The following L3MBTL3 variants were observed in gnomAD, a reference collection of about 807,000 sequenced individuals.
The protein encoded by L3MBTL3 is lethal(3)malignant brain tumor-like protein 3.
In L3MBTL3, 27 loss-of-function variants were observed where a neutral mutation model predicts 102.3. The observed-to-expected ratio is 0.26, with a 90% CI of 0.19 to 0.36. The LOEUF is 0.36. Ranked by LOEUF, L3MBTL3 falls within the 10% of genes least tolerant of loss-of-function variation. The pLI, the probability that L3MBTL3 is intolerant of heterozygous loss-of-function variation, is 1.00. For synonymous variants in L3MBTL3, 340 were observed against 320.9 expected (o/e 1.06, Z -0.64); for missense variants, 798 against 955.3 (o/e 0.84, Z 2.17).
intron 13 of L3MBTL3, among the ~76,000 whole-genome samples, chr6:130,072,495 G>A (rs1257189832): frequency 6.6e-6 from 1 of 152,142 alleles, no homozygotes; most frequent in Non-Finnish European, 1.5e-5. Flanking sequence ...TTTCTGCAGA[G>A]CATAATTTTT....
At chr6:130,091,023 GGAA>G (rs1420883349) in intron 16 of L3MBTL3, among the ~76,000 whole-genome samples, 1 of 151,152 alleles carries the variant, frequency 6.6e-6, no homozygotes, top group Non-Finnish European at 1.5e-5. Context: ...TATAAATTGA[GGAA>G]GAGAGTTCTT....
rs376419261 is a variant in L3MBTL3 at position 130,108,220 on chromosome 6, G to GTTTTTTTTTTTT, written c.1886+3655_1886+3656insTTTTTTTTTTTT. Among the ~76,000 whole-genome samples, 10 of 118,720 alleles carry GTTTTTTTTTTTT rather than the reference G, an allele frequency of 8.4e-5. 2 individuals are homozygous for GTTTTTTTTTTTT. Among genetic ancestry groups the GTTTTTTTTTTTT allele is most frequent in the Non-Finnish European group, 1.1e-4 (6 of 56,136 alleles). 77.9% of individuals were successfully genotyped at this position (118,720 alleles called of 152,430 possible). Reference sequence around the variant, plus strand: ...ATAAGCCCTCAATAAATGTTAGGTGGTTTTTTTTTTGTTTTTTTTTTTTTT... The same window carrying GTTTTTTTTTTTT: ...ATAAGCCCTCAATAAATGTTAGGTGGTTTTTTTTTTTTTTTTTTTTTTGTTTTTTTTTTTTTT... On this transcript the variant is annotated intron_variant, in intron 19 of 22. Coordinates refer to ENST00000361794, the MANE Select transcript of L3MBTL3 (RefSeq NM_032438.4).
chr6:130,028,647 A>T (rs577154318), intron 2 of L3MBTL3, among the ~76,000 whole-genome samples: 1 of 152,230 alleles, frequency 6.6e-6, no homozygotes, highest in Non-Finnish European at 1.5e-5. Flanking sequence ...ATCAGGCAGG[A>T]TGAGTAGCAT....
intron 9 of L3MBTL3, among the ~76,000 whole-genome samples, chr6:130,058,343 A>G (rs1469006046): frequency 2.0e-5 from 3 of 152,096 alleles, no homozygotes; most frequent in Admixed American, 6.5e-5. Context: ...GACTAAACCA[A>G]GAGTTGGGGT....
At chr6:130,122,074 CATAGT>C (rs1342292412) in intron 20 of L3MBTL3, among the ~76,000 whole-genome samples, 23 of 152,124 alleles carry the variant, frequency 1.5e-4, no homozygotes, top group Admixed American at 1.5e-3. Context: ...AACTGTTAGT[CATAGT>C]ATAGATGGTA....
chr6:130,038,386 A>G (rs965627883), intron 2 of L3MBTL3, among the ~76,000 whole-genome samples: 1 of 152,034 alleles, frequency 6.6e-6, no homozygotes, highest in African/African-American at 2.4e-5. Context: ...ATTCCCACCA[A>G]GAAGATACAG....
chr6:130,111,917 G>A (rs1785372762), intron 19 of L3MBTL3, among the ~76,000 whole-genome samples: 1 of 152,164 alleles, frequency 6.6e-6, no homozygotes, highest in Non-Finnish European at 1.5e-5. Context: ...GGCCTACAAA[G>A]CCTTGTGTCA....
At chr6:130,137,131 A>C (rs946500354) in intron 22 of L3MBTL3, among the ~76,000 whole-genome samples, 1 of 152,216 alleles carries the variant, frequency 6.6e-6, no homozygotes, top group Non-Finnish European at 1.5e-5. Flanking sequence ...GAATACATTC[A>C]TGCCTTTACA....
At chr6:130,126,834 G>A (rs1170319809) in intron 20 of L3MBTL3, among the ~76,000 whole-genome samples, 3 of 152,190 alleles carry the variant, frequency 2.0e-5, no homozygotes, top group Admixed American at 2.0e-4. Flanking sequence ...GAGGCATACA[G>A]AATGTATTAA....
Position 130,104,527 on chromosome 6 carries a change from G to T in L3MBTL3, c.1838G>T (p.Arg613Ile). The change falls in exon 19 of 23, where the codon AGA becomes ATA. Residue 613 changes from arginine to isoleucine, a missense_variant. This residue lies in a region of L3MBTL3 where 306 missense variants were observed against 314.4 expected (regional missense o/e 0.97). Coordinates refer to ENST00000361794, the MANE Select transcript of L3MBTL3 (RefSeq NM_032438.4). ...CCTCCGGCTAGTCCGTCATTTCCAA[G>T]AAATAAAAGGACAGATGCAAATGAA... ...EMPPASPSFP[R>I]NKRTDANESS... is the part of the protein sequence containing the mutation. 1 of 1,592,446 alleles carries T rather than the reference G, an allele frequency of 6.3e-7. No homozygotes were observed. The highest frequency in any genetic ancestry group is 8.5e-7 in the Non-Finnish European group (1 of 1,171,040).
At chr6:130,093,061 C>T (rs1054671492) in intron 17 of L3MBTL3, among the ~76,000 whole-genome samples, 6 of 152,116 alleles carry the variant, frequency 3.9e-5, no homozygotes, top group Admixed American at 6.6e-5. Context: ...AAAAGTAAAG[C>T]GTGTATAGAC....
At chr6:130,048,073 GC>G (rs1275510501) in intron 3 of L3MBTL3, among the ~76,000 whole-genome samples, 1 of 152,188 alleles carries the variant, frequency 6.6e-6, no homozygotes, top group African/African-American at 2.4e-5. Context: ...TGTTTAAGGT[GC>G]TGTTTTCACC....
intron 14 of L3MBTL3, among the ~76,000 whole-genome samples, chr6:130,081,956 T>G (rs947027191): frequency 6.6e-6 from 1 of 152,162 alleles, no homozygotes; most frequent in Non-Finnish European, 1.5e-5. Context: ...GGATTACAGA[T>G]CTGTCATTTT....
At chr6:130,129,266 C>T (rs1462181722) in intron 20 of L3MBTL3, among the ~76,000 whole-genome samples, 3 of 152,076 alleles carry the variant, frequency 2.0e-5, no homozygotes, top group Non-Finnish European at 4.4e-5. Context: ...GTATAGGCCT[C>T]ACTGAGAAAA....
intron 2 of L3MBTL3, among the ~76,000 whole-genome samples, chr6:130,037,849 C>T (rs1269636249): frequency 6.6e-6 from 1 of 152,054 alleles, no homozygotes; most frequent in Admixed American, 6.6e-5. Flanking sequence ...ATATTCACCC[C>T]CTGTGCTATA....
Position 130,049,413 on chromosome 6 carries a change from A to C in L3MBTL3, c.214+20A>C. On this transcript the variant is annotated intron_variant, in intron 4 of 22. Coordinates refer to ENST00000361794, the MANE Select transcript of L3MBTL3 (RefSeq NM_032438.4). ...AAGAAGGTAAGGATGGGTCATCTGCATTTTATTTCTTGCTTTTGAAAGATT... is the reference window on the plus strand; with the variant it reads ...AAGAAGGTAAGGATGGGTCATCTGCCTTTTATTTCTTGCTTTTGAAAGATT... The C allele has an allele frequency of 7.2e-7, 1 of 1,385,120 alleles. No homozygotes were observed. Among genetic ancestry groups the C allele is most frequent in the Non-Finnish European group, 1.0e-6 (1 of 989,930 alleles). The allele number at this position is 1,385,120 out of a possible 1,614,324, so 85.8% of individuals were successfully genotyped here. A position where few individuals can be genotyped will look rare whatever the true frequency, so the allele number is the denominator to read the frequency against.
In L3MBTL3 at chr6:130,035,977, GTT is replaced by G. The variant is rs555224918; in HGVS notation, c.-15-6705_-15-6704del. 9.2e-4 allele frequency among the ~76,000 whole-genome samples: 61 copies of G among 66,662 alleles called. 2 individuals carry two copies. In the South Asian group the frequency reaches 0.04, roughly 44 times the overall value. The allele number at this position is 66,662 out of a possible 152,430, so 43.7% of individuals were successfully genotyped here. On this transcript the variant is annotated intron_variant, in intron 2 of 22. Coordinates refer to ENST00000361794, the MANE Select transcript of L3MBTL3 (RefSeq NM_032438.4). ...TGCATTGTGACTCTCTTACCTACCT[GTT>G]TTGTGTGTGTGTGTGTGTGTGTGTG...
intron 20 of L3MBTL3, among the ~76,000 whole-genome samples, chr6:130,130,142 T>C (rs1265055269): frequency 6.7e-6 from 1 of 150,116 alleles, no homozygotes; most frequent in African/African-American, 2.5e-5. Flanking sequence ...CTTAAAGACA[T>C]GCAGAGGCAA....
At chr6:130,070,850 T>G (rs1452798757) in intron 12 of L3MBTL3, 126 bp from the exon 13 acceptor site, 4 of 382,056 alleles carry the variant, frequency 1.0e-5, no homozygotes, top group Non-Finnish European at 1.8e-5. Context: ...AACTGGCATA[T>G]GATTTTTAAA....
Sources: gnomAD v4.1 joint callset for allele counts (sites outside exome capture counted in the v4.1 genomes callset) on GRCh38, gnomAD v4.1.1 for gene constraint, gnomAD v4.1.1 regional missense constraint, MANE v1.5 for transcripts, NCBI Gene and HGNC (gene_info 2026-07-23, HGNC 2026-07-21) for gene names.